Variants in DIAPH3 observed in about 807,000 individuals in gnomAD.
The protein encoded by DIAPH3 is diaphanous related formin 3.
Under a neutral mutation model 144.3 loss-of-function variants are expected in DIAPH3, and 117 were observed. The ratio of observed to expected loss-of-function variants is 0.81; its 90% CI spans 0.70 to 0.95. The LOEUF (loss-of-function observed/expected upper bound fraction) is 0.95, where lower values mean the gene tolerates loss of function less well. Ranked by LOEUF, DIAPH3 falls within the 40% of genes least tolerant of loss-of-function variation. The pLI is 0.00. For synonymous variants in DIAPH3, 519 were observed against 488.9 expected (o/e 1.06, Z -0.81); for missense variants, 1,421 against 1,412.7 (o/e 1.01, Z -0.09).
intron 13 of DIAPH3, among the ~76,000 whole-genome samples, chr13:59,982,567 A>C (rs138969223): frequency 2.0e-4 from 31 of 151,766 alleles, no homozygotes; most frequent in Non-Finnish European, 3.2e-4. Context: ...CTGCACAGAT[A>C]CATAGCTGAA....
chr13:59,969,899 A>C (rs1164672972), intron 17 of DIAPH3, 45 bp downstream of exon 17: 1 of 1,260,750 alleles, frequency 7.9e-7, no homozygotes, highest in South Asian at 1.3e-5. Context: ...GTATATGTTA[A>C]AATTCTAAAA....
intron 17 of DIAPH3, among the ~76,000 whole-genome samples, chr13:59,951,964 T>C (rs1372758012): frequency 2.0e-5 from 3 of 152,142 alleles, no homozygotes; most frequent in African/African-American, 7.2e-5. Context: ...TACACCAATG[T>C]TCACAGCAAC....
At chr13:59,906,007 A>G (rs2046715257) in intron 20 of DIAPH3, among the ~76,000 whole-genome samples, 1 of 152,218 alleles carries the variant, frequency 6.6e-6, no homozygotes. Flanking sequence ...TACTTCATAA[A>G]TAAGAAAATG....
intron 17 of DIAPH3, among the ~76,000 whole-genome samples, chr13:59,952,530 A>G (rs1189635606): frequency 1.3e-5 from 2 of 152,150 alleles, no homozygotes; most frequent in African/African-American, 4.8e-5. Flanking sequence ...ATTTACCTAT[A>G]ATTTTTACTT....
At chr13:60,044,053 C>G (rs1294087973) in intron 4 of DIAPH3, 1 of 152,120 alleles carries the variant, frequency 6.6e-6, no homozygotes, top group African/African-American at 2.4e-5. Context: ...GTAGGTTTTA[C>G]AGTCCACTGA....
At chr13:59,891,215 CA>C (rs1201049898) in intron 20 of DIAPH3, among the ~76,000 whole-genome samples, 7 of 151,804 alleles carry the variant, frequency 4.6e-5, no homozygotes, top group African/African-American at 1.7e-4. Flanking sequence ...ATGTTGTTTG[CA>C]AAGTGATGAA....
chr13:59,969,960 A>G lies in DIAPH3; in HGVS notation c.2058T>C (p.Phe686=), dbSNP rs202041121. 9 of 1,603,794 alleles carry G rather than the reference A, an allele frequency of 5.6e-6. No individual in the cohort carries two copies. The highest frequency in any genetic ancestry group is 7.7e-6 in the Non-Finnish European group (9 of 1,173,408). The change falls in exon 17 of 28, where the codon TTT becomes TTC. Residue 686 remains phenylalanine, a synonymous_variant. Coordinates refer to ENST00000400324, the MANE Select transcript of DIAPH3 (RefSeq NM_001042517.2). The part of the protein sequence containing the change: ...VDLLCKLENT[F]CCQQKERREE... ...TAAACTTACCTTTTTGTTGGCAACA[A>G]AATGTATTCTCAAGTTTACAAAGCA...
At chr13:59,837,301 C>T (rs2042088982) in intron 23 of DIAPH3, among the ~76,000 whole-genome samples, 1 of 152,034 alleles carries the variant, frequency 6.6e-6, no homozygotes, top group East Asian at 1.9e-4. Flanking sequence ...CATCATCCTT[C>T]CTGTTTCTGA....
At chr13:59,975,411 T>C (rs149237781) in intron 14 of DIAPH3, among the ~76,000 whole-genome samples, 2 of 152,084 alleles carry the variant, frequency 1.3e-5, no homozygotes, top group East Asian at 3.9e-4. Context: ...TCATAGCTAG[T>C]AAAAGATGTG....
At chr13:59,733,160 T>G (rs2035971422) in intron 27 of DIAPH3, among the ~76,000 whole-genome samples, 1 of 152,202 alleles carries the variant, frequency 6.6e-6, no homozygotes, top group Non-Finnish European at 1.5e-5. Flanking sequence ...TTAACTTTTC[T>G]TCTTACATCA....
chr13:60,059,089 T>C (rs1206108651), intron 4 of DIAPH3, among the ~76,000 whole-genome samples: 1 of 151,850 alleles, frequency 6.6e-6, no homozygotes, highest in Non-Finnish European at 1.5e-5. Context: ...GACTTACATG[T>C]TCTATATATG....
intron 20 of DIAPH3, among the ~76,000 whole-genome samples, chr13:59,886,351 G>T (rs1166707906): frequency 6.6e-6 from 1 of 152,030 alleles, no homozygotes; most frequent in African/African-American, 2.4e-5. Context: ...AAGCTTAGTT[G>T]TATATCCTTA....
intron 21 of DIAPH3, among the ~76,000 whole-genome samples, chr13:59,871,573 T>C (rs1011008033): frequency 2.0e-5 from 3 of 152,210 alleles, no homozygotes; most frequent in Non-Finnish European, 4.4e-5. Flanking sequence ...TCATTGATGA[T>C]GATAGATTAC....
chr13:59,801,526 C>T (rs2039898564), intron 25 of DIAPH3, among the ~76,000 whole-genome samples: 1 of 152,158 alleles, frequency 6.6e-6, no homozygotes, highest in African/African-American at 2.4e-5. Context: ...ATTACTGTCA[C>T]TTATACCCAT....
At chr13:60,006,705 G>A (rs901495037) in intron 9 of DIAPH3, among the ~76,000 whole-genome samples, 5 of 152,114 alleles carry the variant, frequency 3.3e-5, no homozygotes, top group African/African-American at 9.7e-5. Context: ...AGACAAGAAA[G>A]CAAGAGAAAA....
At chr13:60,115,148 A>G (rs919014886) in intron 2 of DIAPH3, among the ~76,000 whole-genome samples, 2 of 152,186 alleles carry the variant, frequency 1.3e-5, no homozygotes, top group Non-Finnish European at 2.9e-5. Flanking sequence ...GTAAGTTTAC[A>G]TCATATAACA....
At chr13:59,683,312 A>G (rs941275666) in intron 27 of DIAPH3, among the ~76,000 whole-genome samples, 1 of 152,154 alleles carries the variant, frequency 6.6e-6, no homozygotes, top group African/African-American at 2.4e-5. Flanking sequence ...GGAATCTTTT[A>G]TGACTTTTAG....
At chr13:59,849,811 G>A (rs1251446910) in intron 22 of DIAPH3, among the ~76,000 whole-genome samples, 6 of 117,250 alleles carry the variant, frequency 5.1e-5, no homozygotes, top group African/African-American at 1.9e-4. Context: ...GCTCTTTTTT[G>A]GTTCCATATG....
chr13:60,130,743 C>G (rs1466809725), intron 2 of DIAPH3, among the ~76,000 whole-genome samples: 1 of 152,148 alleles, frequency 6.6e-6, no homozygotes, highest in Non-Finnish European at 1.5e-5. Flanking sequence ...AGGTTTAAAC[C>G]ATTGAGAAAG....
Sources: gnomAD v4.1 joint callset for allele counts (sites outside exome capture counted in the v4.1 genomes callset) on GRCh38, gnomAD v4.1.1 for gene constraint, MANE v1.5 for transcripts, NCBI Gene and HGNC (gene_info 2026-07-23, HGNC 2026-07-21) for gene names.